TKFC: variants seen among roughly 807,000 people sequenced by gnomAD.
TKFC encodes the protein triokinase/FMN cyclase.
TKFC carries 46 observed loss-of-function variants against 61.0 expected under a neutral mutation model. That is an observed-to-expected ratio of 0.75 (90% confidence interval 0.60 to 0.96). TKFC has a LOEUF of 0.96. Ranked by LOEUF, TKFC falls within the 50% of genes least tolerant of loss-of-function variation. TKFC has a pLI of 0.00. For synonymous variants in TKFC, 314 were observed against 330.1 expected (o/e 0.95, Z 0.53); for missense variants, 715 against 777.5 (o/e 0.92, Z 0.96).
rs774935310 is a variant in TKFC at position 61,345,694 on chromosome 11, ACT to A, written c.1452-13_1452-12del. On this transcript the variant is annotated splice_polypyrimidine_tract_variant and intron_variant, in intron 15 of 17. Transcript: ENST00000394900. Reference sequence around the variant, plus strand: ...TGGTTCCCTATAGTGAGCCTCTTTCACTCTCTTTCCCTGCCAGGTATGGCAAG... The same window carrying A: ...TGGTTCCCTATAGTGAGCCTCTTTCACTCTTTCCCTGCCAGGTATGGCAAG... 1.2e-5 allele frequency: 20 copies of A among 1,613,788 alleles called. No individual in the cohort carries two copies. In the African/African-American group the frequency reaches 2.1e-4, roughly 17 times the overall value.
At chr11:61,349,635 T>C (rs1565064061), downstream of TKFC, 1 of 702,786 alleles carries the variant, frequency 1.4e-6, no homozygotes, top group Non-Finnish European at 2.6e-6. Context: ...GCCTCAGCTG[T>C]AGCAGCAGCT....
chr11:61,340,331 T>G (rs868748336), intron 5 of TKFC, among the ~76,000 whole-genome samples: 2 of 500 alleles, frequency 4.0e-3, no homozygotes, highest in African/African-American at 4.2e-3. Context: ...TTCCTCTTTT[T>G]TTTTTTTTTT....
At position 61,333,235 on chromosome 11, in the gene TKFC, C is replaced by G. The variant is rs920701196; in HGVS notation, c.-204C>G. ...ACCGCCTCGCCTCTTTCCGCCAGCG[C>G]CCGCAGGACCCGGATGAGAGCGCAC... On this transcript the variant is annotated 5_prime_UTR_variant, in exon 1 of 18. Transcript: ENST00000394900. The G allele has an allele frequency of 2.1e-5, 7 of 336,174 alleles. No homozygotes were observed. Among genetic ancestry groups the G allele is most frequent in the Middle Eastern group, 7.6e-4 (1 of 1,316 alleles). 20.8% of individuals were successfully genotyped at this position (336,174 alleles called of 1,614,324 possible).
intron 1 of TKFC, 41 bp from the exon 2 acceptor site, chr11:61,334,579 C>T (rs1443656066): frequency 2.6e-5 from 26 of 1,001,648 alleles, no homozygotes; most frequent in Admixed American, 1.0e-4. Context: ...CAGTCGACTG[C>T]GAGTTCCTTC....
At position 61,337,930 on chromosome 11, in the gene TKFC, C is replaced by T. The variant is rs758852846; in HGVS notation, c.4-11C>T. 3.8e-6 allele frequency: 6 copies of T among 1,595,326 alleles called. No homozygotes were observed. The highest frequency in any genetic ancestry group is 1.7e-4 in the Middle Eastern group (1 of 5,914). On this transcript the variant is annotated splice_polypyrimidine_tract_variant and intron_variant, in intron 2 of 17. Transcript: ENST00000394900. ...CCACATTCTGACCTCCTTCTCACTC[C>T]TCCCTTGCAGACCTCCAAGAAGCTG... is the stretch of plus-strand genomic sequence containing the variant.
At position 61,338,055 on chromosome 11, in the gene TKFC, T is replaced by TC. The variant is rs1231100700; in HGVS notation, c.119dup (p.Asp41Ter). The TC allele has an allele frequency of 5.0e-5, 80 of 1,612,462 alleles. No homozygotes were observed. The highest frequency in any genetic ancestry group is 6.4e-5 in the Non-Finnish European group (76 of 1,179,782). On this transcript the variant is annotated frameshift_variant, in exon 3 of 18. Transcript: ENST00000394900. ...GCAGGGCCACCGCGTGGCCCTCCGT[T>TC]CTGACCTGGACAGCCTCAAGGGCCG... is the stretch of plus-strand genomic sequence containing the variant.
chr11:61,340,234 A>G (rs1367271195), intron 5 of TKFC, among the ~76,000 whole-genome samples: 3 of 150,038 alleles, frequency 2.0e-5, no homozygotes, highest in Non-Finnish European at 4.4e-5. Flanking sequence ...CTGGCCTCGA[A>G]CTCCTGACCT....
Position 61,342,428 on chromosome 11 carries a change from G to C in TKFC, c.656-33G>C. On this transcript the variant is annotated intron_variant, in intron 7 of 17. Coordinates refer to ENST00000394900, the MANE Select transcript of TKFC (RefSeq NM_015533.4). ...AACGATGAGCAAATCCCCAGGCCTT[G>C]AGTGGGTCAGCAGTGACCACATCTA... is the stretch of plus-strand genomic sequence containing the variant. The C allele has an allele frequency of 2.5e-6, 4 of 1,613,796 alleles. No homozygotes were observed. In the South Asian group the frequency reaches 4.4e-5, roughly 18 times the overall value.
chr11:61,350,501 C>G, downstream of TKFC: 1 of 1,563,676 alleles, frequency 6.4e-7, no homozygotes. Context: ...CAGACAGACC[C>G]CCAGCCTGCA....
chr11:61,350,633 G>T, downstream of TKFC: 1 of 629,308 alleles, frequency 1.6e-6, no homozygotes, highest in Non-Finnish European at 2.7e-6. Context: ...TGGTCACCAG[G>T]CACCCATCCC....
At chr11:61,350,493 G>C (rs1429179499), downstream of TKFC, 1 of 1,579,304 alleles carries the variant, frequency 6.3e-7, no homozygotes, top group East Asian at 2.3e-5. Flanking sequence ...AAGCTGTTCA[G>C]ACAGACCCCC....
At position 61,342,582 on chromosome 11, in the gene TKFC, C is replaced by T. The variant is rs371043005; in HGVS notation, c.699C>T (p.Thr233=). ...CTGGCTCCCTCTGACAGATGGCAAC[C>T]GCCGATGAGATTGTGAAACTCATGC... ...EAGVRRIKMA[T]ADEIVKLMLD... Residue 233 remains threonine (T), a synonymous_variant, in exon 9 of 18, where the codon ACC becomes ACT. Transcript: ENST00000394900. 2.4e-5 allele frequency: 39 copies of T among 1,613,906 alleles called. No individual in the cohort carries two copies. The highest frequency in any genetic ancestry group is 3.1e-5 in the Non-Finnish European group (36 of 1,180,040).
chr11:61,341,562 A>G, intron 6 of TKFC, 48 bp downstream of exon 6: 4 of 1,543,176 alleles, frequency 2.6e-6, no homozygotes, highest in Non-Finnish European at 3.5e-6. Context: ...AAGGTTGGAC[A>G]GCCCTGGGGC....
intron 11 of TKFC, 154 bp downstream of exon 11, chr11:61,343,612 C>A: frequency 1.2e-6 from 1 of 856,776 alleles, no homozygotes; most frequent in Non-Finnish European, 1.8e-6. Context: ...CCTTCTCCAG[C>A]TCTCACTGGA....
intron 10 of TKFC, 133 bp from the exon 11 acceptor site, chr11:61,343,209 G>A (rs907151543): frequency 1.2e-6 from 1 of 804,516 alleles, no homozygotes; most frequent in Middle Eastern, 2.9e-4. Context: ...ATTGAGGGAT[G>A]CCTGCCAGGA....
chr11:61,337,964 G>T lies in TKFC; in HGVS notation c.27G>T (p.Ser9=). ...AGACCTCCAAGAAGCTGGTGAACTC[G>T]GTGGCTGGCTGTGCTGATGACGCTC... MTSKKLVN[S]VAGCADDALA... Residue 9 remains serine, a synonymous_variant, in exon 3 of 18, where the codon TCG becomes TCT. Transcript: ENST00000394900. 1 of 1,608,310 alleles carries T rather than the reference G, an allele frequency of 6.2e-7. No individual in the cohort carries two copies. The highest frequency in any genetic ancestry group is 8.5e-7 in the Non-Finnish European group (1 of 1,177,978).
chr11:61,339,062 C>G lies in TKFC; in HGVS notation c.194-4C>G. 6.2e-7 allele frequency: 1 copy of G among 1,611,832 alleles called. No homozygotes were observed. The highest frequency in any genetic ancestry group is 8.5e-7 in the Non-Finnish European group (1 of 1,178,958). On this transcript the variant is annotated splice_polypyrimidine_tract_variant and splice_region_variant and intron_variant, in intron 3 of 17. Coordinates refer to ENST00000394900, the MANE Select transcript of TKFC (RefSeq NM_015533.4). The stretch of plus-strand genomic sequence containing the variant: ...CATGCTCACTCCACTCCTTCCACCT[C>G]CAGGTTTCATAGGGAAGGGGATGCT...
chr11:61,349,282 A>C, downstream of TKFC: 1 of 445,206 alleles, frequency 2.2e-6, no homozygotes, highest in African/African-American at 2.0e-5. Flanking sequence ...GGCCAGGTGA[A>C]GCAATGTGGG....
At chr11:61,340,258 C>T (rs1171875867) in intron 5 of TKFC, among the ~76,000 whole-genome samples, 16 of 151,890 alleles carry the variant, frequency 1.1e-4, no homozygotes, top group South Asian at 2.1e-4. Flanking sequence ...GTGATCTGCC[C>T]GCCTCGGCCT....
Sources: allele counts gnomAD v4.1 joint callset (sites outside exome capture counted in the v4.1 genomes callset), GRCh38; gene constraint gnomAD v4.1.1; transcripts MANE v1.5; gene names NCBI Gene and HGNC (gene_info 2026-07-23, HGNC 2026-07-21).